The following PAX9 variants were observed in gnomAD, a reference collection of about 807,000 sequenced individuals.
PAX9 encodes the protein paired box protein Pax-9.
Under a neutral mutation model 29.1 loss-of-function variants are expected in PAX9, and 6 were observed. The ratio of observed to expected loss-of-function variants is 0.21; its 90% CI spans 0.11 to 0.41. The LOEUF (loss-of-function observed/expected upper bound fraction) is 0.41, where lower values mean the gene tolerates loss of function less well. Ranked by LOEUF, PAX9 falls within the 10% of genes least tolerant of loss-of-function variation. The pLI is 1.00. For synonymous variants in PAX9, 217 were observed against 211.7 expected, an observed-to-expected ratio of 1.03 and a Z score of -0.22; for missense variants, 443 against 479.1, an observed-to-expected ratio of 0.92 and a Z score of 0.70.
chr14:36,666,477 C>G lies in PAX9; in HGVS notation c.647C>G (p.Pro216Arg). The change falls in exon 3 of 4, where the codon CCC (proline) becomes CGC (arginine). Residue 216 changes from proline (P) to arginine (R), a missense_variant. Transcript: ENST00000361487. ...TCTCCATCAGTGAGCGACAGCTCCC[C>G]CTACCACAGCCCCAAGGTGGAGGAG... ...SITDQVSDSS[P>R]YHSPKVEEWS... The G allele has an allele frequency of 6.2e-7, 1 of 1,610,998 alleles. No individual in the cohort carries two copies. Among genetic ancestry groups the G allele is most frequent in the Non-Finnish European group, 8.5e-7 (1 of 1,178,972 alleles).
intron 3 of PAX9, 102 bp downstream of exon 3, chr14:36,666,703 GC>G: frequency 7.1e-7 from 1 of 1,412,634 alleles, no homozygotes; most frequent in Non-Finnish European, 9.8e-7. Flanking sequence ...CGCGAGAGAA[GC>G]CCAGGCTGGC....
Position 36,676,347 on chromosome 14 carries a change from C to T in PAX9, c.921C>T (p.Gly307=). 2 of 1,614,122 alleles carry T rather than the reference C, an allele frequency of 1.2e-6. No individual in the cohort carries two copies. The highest frequency in any genetic ancestry group is 1.7e-6 in the Non-Finnish European group (2 of 1,180,010). ...VAGHGWQHAG[G]TSLSPHNCDI... is the part of the protein sequence containing the mutation. ...GACATGGGTGGCAACATGCTGGGGG[C>T]ACCTCATTGTCTCCCCACAACTGTG... The change falls in exon 4 of 4, where the codon GGC becomes GGT. Residue 307 remains glycine (G), a synonymous_variant. Transcript: ENST00000361487.
At chr14:36,658,337 T>C (rs1594462903), upstream of PAX9, among the ~76,000 whole-genome samples, 1 of 134,716 alleles carries the variant, frequency 7.4e-6, no homozygotes, top group Non-Finnish European at 1.6e-5. Context: ...CTCCTCCGAG[T>C]GGACAAGAGG....
chr14:36,660,753 C>T (rs187894490), upstream of PAX9, among the ~76,000 whole-genome samples: 10 of 152,316 alleles, frequency 6.6e-5, no homozygotes, highest in East Asian at 1.9e-3. Flanking sequence ...TATTTCTCTT[C>T]TTGTTTATTA....
chr14:36,676,356 G>T lies in PAX9; in HGVS notation c.930G>T (p.Leu310Phe), dbSNP rs116602527. ...HGWQHAGGTS[L>F]SPHNCDIPAS... Reference sequence around the variant, plus strand: ...GGCAACATGCTGGGGGCACCTCATTGTCTCCCCACAACTGTGACATTCCGG... The same window carrying T: ...GGCAACATGCTGGGGGCACCTCATTTTCTCCCCACAACTGTGACATTCCGG... The change falls in exon 4 of 4, where the codon TTG (leucine) becomes TTT (phenylalanine). Residue 310 changes from leucine to phenylalanine, a missense_variant. Physicochemically the swap from Leu to Phe is conservative, Grantham distance 22. This residue lies in a region of PAX9 where 336 missense variants were observed against 317.2 expected (regional missense o/e 1.06). Coordinates refer to ENST00000361487, the MANE Select transcript of PAX9 (RefSeq NM_001372076.1). 4 of 1,614,118 alleles carry T rather than the reference G, an allele frequency of 2.5e-6. No individual in the cohort carries two copies. The highest frequency in any genetic ancestry group is 1.7e-6 in the Non-Finnish European group (2 of 1,180,016).
chr14:36,662,428 GAAAAGAAAAC>G (rs1317852390), intron 1 of PAX9: 1 of 419,160 alleles, frequency 2.4e-6, no homozygotes, highest in African/African-American at 2.0e-5. Context: ...GAAAAGAAAA[GAAAAGAAAAC>G]AAACAACAAC....
At position 36,661,967 on chromosome 14, in the gene PAX9, T is replaced by G; in HGVS notation, c.-123T>G. The G allele has an allele frequency of 8.1e-7, 1 of 1,230,140 alleles. No individual in the cohort carries two copies. Among genetic ancestry groups the G allele is most frequent in the Non-Finnish European group, 1.2e-6 (1 of 855,262 alleles). 76.2% of individuals were successfully genotyped at this position (1,230,140 alleles called of 1,614,324 possible). A position where few individuals can be genotyped will look rare whatever the true frequency, so the allele number is the denominator to read the frequency against. On this transcript the variant is annotated 5_prime_UTR_variant, in exon 1 of 4. Transcript: ENST00000361487. ...CTTTTGCCCTCTCGCCTCCTCCTCC[T>G]GGGAAGAAGCGGAGGCGCCGGCGGT... is the stretch of plus-strand genomic sequence containing the variant.
chr14:36,663,430 C>A lies in PAX9; in HGVS notation c.538C>A (p.Pro180Thr). The change falls in exon 2 of 4, where the codon CCT (proline) becomes ACT (threonine). Residue 180 changes from proline to threonine, a missense_variant. Pro to Thr is a conservative substitution (Grantham distance 38). Coordinates refer to ENST00000361487, the MANE Select transcript of PAX9 (RefSeq NM_001372076.1). ...CAAGGTGCCCACGCCACCCGGGGTG[C>A]CTGCCATCCCCGGTTCGGTGGCCAT... is the stretch of plus-strand genomic sequence containing the variant. ...AAKVPTPPGV[P>T]AIPGSVAMPR... 6.2e-7 allele frequency: 1 copy of A among 1,612,940 alleles called. No homozygotes were observed. Among genetic ancestry groups the A allele is most frequent in the South Asian group, 1.1e-5 (1 of 91,056 alleles).
intron 1 of PAX9, 173 bp from the exon 2 acceptor site, chr14:36,662,724 G>T (rs1043882219): frequency 1.3e-6 from 1 of 751,970 alleles, no homozygotes; most frequent in Admixed American, 2.9e-5. Flanking sequence ...GGACAGTGAC[G>T]GTTTGGGGCC....
chr14:36,679,015 T>A lies in PAX9; in HGVS notation c.*2563T>A. 1.0e-6 allele frequency: 1 copy of A among 984,630 alleles called. No individual in the cohort carries two copies. Among genetic ancestry groups the A allele is most frequent in the Non-Finnish European group, 1.2e-6 (1 of 829,504 alleles). The allele number at this position is 984,630 out of a possible 1,614,324, so 61.0% of individuals were successfully genotyped here. ...TCATAGATGGTAAAAGTGTTGCTTT[T>A]AAACTGGCAAATGCACTCTTCAGAA... On this transcript the variant is annotated 3_prime_UTR_variant, in exon 4 of 4. Transcript: ENST00000361487.
At chr14:36,661,649 T>A (rs1368873336), upstream of PAX9, 1 of 232,470 alleles carries the variant, frequency 4.3e-6, no homozygotes, top group East Asian at 1.0e-4. Context: ...GCTGTCTTTT[T>A]GTGCCGCTTC....
intron 3 of PAX9, among the ~76,000 whole-genome samples, chr14:36,671,533 A>G (rs1161040463): frequency 6.7e-6 from 1 of 148,296 alleles, no homozygotes; most frequent in Non-Finnish European, 1.5e-5. Flanking sequence ...TTTTTAAGCT[A>G]CAGTGTCACA....
chr14:36,665,544 C>T (rs984120750), intron 2 of PAX9, among the ~76,000 whole-genome samples: 4 of 152,030 alleles, frequency 2.6e-5, no homozygotes, highest in African/African-American at 9.7e-5. Context: ...TGAAAAATGC[C>T]AATAATTCAA....
chr14:36,668,424 C>A (rs1881585765), intron 3 of PAX9, among the ~76,000 whole-genome samples: 1 of 152,172 alleles, frequency 6.6e-6, no homozygotes, highest in Admixed American at 6.5e-5. Flanking sequence ...GAGTCTAGCT[C>A]TGTCGCCAGG....
intron 3 of PAX9, among the ~76,000 whole-genome samples, chr14:36,674,054 T>C (rs987585609): frequency 6.6e-6 from 1 of 152,226 alleles, no homozygotes; most frequent in African/African-American, 2.4e-5. Context: ...GGGACAATTC[T>C]AAATAAAAAT....
chr14:36,672,788 T>TG (rs1236230177), intron 3 of PAX9, among the ~76,000 whole-genome samples: 1 of 150,290 alleles, frequency 6.7e-6, no homozygotes, highest in African/African-American at 2.4e-5. Flanking sequence ...TATGTTTGTT[T>TG]TTTTTTTTAA....
intron 3 of PAX9, among the ~76,000 whole-genome samples, chr14:36,675,366 C>T (rs1259334431): frequency 1.3e-5 from 2 of 152,132 alleles, no homozygotes; most frequent in African/African-American, 2.4e-5. Flanking sequence ...TCGGCAGGCT[C>T]GCCTGCCGGG....
In PAX9 at chr14:36,666,587, G is replaced by T. The variant is rs1449195856; in HGVS notation, c.757G>T (p.Ala253Ser). Residue 253 changes from alanine to serine, a missense_variant, in exon 3 of 4, where the codon GCC (alanine) becomes TCC (serine). Physicochemically the swap from Ala to Ser is moderately conservative, Grantham distance 99. This residue lies in a region of PAX9 where 336 missense variants were observed against 317.2 expected (regional missense o/e 1.06). Coordinates refer to ENST00000361487, the MANE Select transcript of PAX9 (RefSeq NM_001372076.1). ...GGAGAAGGGAGCCCTGGAGCAGGAA[G>T]CCAAGTACGGTCAGGTGAGGAGGCG... is the stretch of plus-strand genomic sequence containing the variant. ...GLEKGALEQE[A>S]KYGQAPNGLP... The T allele has an allele frequency of 6.4e-7, 1 of 1,569,400 alleles. No homozygotes were observed. The highest frequency in any genetic ancestry group is 1.9e-5 in the Admixed American group (1 of 52,964).
At chr14:36,661,687 T>C (rs981121184), upstream of PAX9, 6 of 283,166 alleles carry the variant, frequency 2.1e-5, no homozygotes, top group African/African-American at 4.4e-5. Flanking sequence ...CCCATTTTCA[T>C]TGTATTTAGT....
Sources: gnomAD v4.1 joint callset for allele counts (sites outside exome capture counted in the v4.1 genomes callset) on GRCh38, gnomAD v4.1.1 for gene constraint, gnomAD v4.1.1 regional missense constraint, MANE v1.5 for transcripts, NCBI Gene and HGNC (gene_info 2026-07-23, HGNC 2026-07-21) for gene names.